Variants in LUZP2 observed in about 807,000 individuals in gnomAD.
LUZP2 encodes leucine zipper protein 2.
A neutral mutation model predicts 51.6 loss-of-function variants in LUZP2; 52 were observed. That is an observed-to-expected ratio of 1.01 (90% CI 0.81 to 1.27). The LOEUF (loss-of-function observed/expected upper bound fraction) is 1.27, where lower values mean the gene tolerates loss of function less well. LUZP2 is among the 50% of genes most tolerant of loss of function. The pLI, the probability that LUZP2 is intolerant of heterozygous loss-of-function variation, is 0.00. For synonymous variants in LUZP2, 154 were observed against 137.3 expected, an observed-to-expected ratio of 1.12 and a Z score of -0.85; for missense variants, 436 against 395.4, an observed-to-expected ratio of 1.10 and a Z score of -0.87.
At chr11:24,786,119 A>G (rs888626577) in intron 5 of LUZP2, 2 of 985,158 alleles carry the variant, frequency 2.0e-6, no homozygotes, top group Non-Finnish European at 2.4e-6. Flanking sequence ...TTAGGCCCTC[A>G]CAAATCCCTC....
intron 1 of LUZP2, among the ~76,000 whole-genome samples, chr11:24,614,811 A>T (rs1040519619): frequency 6.6e-6 from 1 of 151,948 alleles, no homozygotes. Flanking sequence ...CTTTGTACAC[A>T]TTATTATTTA....
chr11:24,825,345 C>G (rs1197897437), intron 5 of LUZP2, among the ~76,000 whole-genome samples: 3 of 152,062 alleles, frequency 2.0e-5, no homozygotes, highest in African/African-American at 7.2e-5. Context: ...TTGGTATCAA[C>G]TCTCTCAAAT....
intron 4 of LUZP2, among the ~76,000 whole-genome samples, chr11:24,745,194 A>G (rs1859332660): frequency 6.6e-6 from 1 of 152,116 alleles, no homozygotes; most frequent in South Asian, 2.1e-4. Context: ...GGGTTGTTGG[A>G]TGAAACGTTC....
intron 1 of LUZP2, among the ~76,000 whole-genome samples, chr11:24,653,194 A>T (rs1855686706): frequency 6.6e-6 from 1 of 152,134 alleles, no homozygotes; most frequent in Non-Finnish European, 1.5e-5. Flanking sequence ...GCAAGAATAG[A>T]TGATGTTGTC....
chr11:24,513,056 C>A (rs1850361879), intron 1 of LUZP2, among the ~76,000 whole-genome samples: 1 of 151,546 alleles, frequency 6.6e-6, no homozygotes, highest in Middle Eastern at 3.4e-3. Context: ...CCGCGCCCAG[C>A]AAATGATTTT....
intron 7 of LUZP2, among the ~76,000 whole-genome samples, chr11:24,925,201 T>C (rs981952042): frequency 6.6e-6 from 1 of 152,182 alleles, no homozygotes; most frequent in Non-Finnish European, 1.5e-5. Flanking sequence ...TTGCCAGTCT[T>C]AAGGTTTCTA....
intron 1 of LUZP2, among the ~76,000 whole-genome samples, chr11:24,707,414 T>C (rs1857631746): frequency 6.6e-6 from 1 of 152,032 alleles, no homozygotes; most frequent in African/African-American, 2.4e-5. Flanking sequence ...ACAGAAAAGC[T>C]TAACAGTTGT....
chr11:24,908,928 A>AT (rs1397749055), intron 6 of LUZP2, among the ~76,000 whole-genome samples: 6 of 151,250 alleles, frequency 4.0e-5, no homozygotes, highest in Non-Finnish European at 7.4e-5. Context: ...CACCCAGCTA[A>AT]TTTTTTGTAT....
chr11:24,551,775 G>A (rs1590171197), intron 1 of LUZP2, among the ~76,000 whole-genome samples: 1 of 151,886 alleles, frequency 6.6e-6, no homozygotes, highest in African/African-American at 2.4e-5. Context: ...AACAAAATAG[G>A]CTATTTTTTA....
At chr11:24,955,621 T>C (rs1050901441) in intron 7 of LUZP2, among the ~76,000 whole-genome samples, 1 of 152,044 alleles carries the variant, frequency 6.6e-6, no homozygotes, top group African/African-American at 2.4e-5. Flanking sequence ...TTACACAATC[T>C]TCCTGGAATA....
chr11:24,667,393 G>A (rs1480280380), intron 1 of LUZP2, among the ~76,000 whole-genome samples: 2 of 151,922 alleles, frequency 1.3e-5, no homozygotes, highest in Middle Eastern at 3.2e-3. Flanking sequence ...CACCATGTTG[G>A]TCAGGCTGGT....
intron 1 of LUZP2, among the ~76,000 whole-genome samples, chr11:24,724,704 T>A (rs993412434): frequency 1.3e-5 from 2 of 152,164 alleles, no homozygotes; most frequent in Admixed American, 6.5e-5. Flanking sequence ...GAAATAAAAC[T>A]GTAGCTATTA....
At chr11:24,885,817 A>G (rs186456365) in intron 5 of LUZP2, among the ~76,000 whole-genome samples, 14 of 152,298 alleles carry the variant, frequency 9.2e-5, no homozygotes, top group Non-Finnish European at 1.9e-4. Flanking sequence ...ATTTGAGCTG[A>G]TTCGATTCTA....
intron 10 of LUZP2, among the ~76,000 whole-genome samples, chr11:25,063,395 C>A (rs1180593521): frequency 1.3e-5 from 2 of 151,626 alleles, no homozygotes; most frequent in East Asian, 1.9e-4. Context: ...AGCCATTTAT[C>A]CATCTTAATA....
At chr11:24,721,397 G>A (rs1484581454) in intron 1 of LUZP2, among the ~76,000 whole-genome samples, 1 of 152,094 alleles carries the variant, frequency 6.6e-6, no homozygotes, top group African/African-American at 2.4e-5. Flanking sequence ...ACCATATTTG[G>A]GGTGAAATAT....
In LUZP2 at chr11:24,810,856, G is replaced by C. The variant is rs553027924; in HGVS notation, c.396+47548G>C. On this transcript the variant is annotated intron_variant, in intron 5 of 11. Transcript: ENST00000336930. ...AGAGGTACCAAGTGTTGCTGTTACC[G>C]TGTATGCTCAGTGTCACTGATTTGC... Among the ~76,000 whole-genome samples, 6 of 152,210 alleles carry C rather than the reference G, an allele frequency of 3.9e-5. No homozygotes were observed. The South Asian group carries it at 1.2e-3, about 32-fold the overall frequency.
At chr11:24,792,251 C>T (rs1363070249) in intron 5 of LUZP2, among the ~76,000 whole-genome samples, 2 of 151,834 alleles carry the variant, frequency 1.3e-5, no homozygotes, top group South Asian at 2.1e-4. Context: ...CATGGTGAAA[C>T]ACTGTTTCTA....
At chr11:24,786,912 G>A (rs1016941173) in intron 5 of LUZP2, among the ~76,000 whole-genome samples, 2 of 151,898 alleles carry the variant, frequency 1.3e-5, no homozygotes, top group Non-Finnish European at 1.5e-5. Context: ...GCATTCTTTA[G>A]TAGGTATTGT....
chr11:24,960,603 C>A (rs1855363519), intron 7 of LUZP2, among the ~76,000 whole-genome samples: 1 of 151,992 alleles, frequency 6.6e-6, no homozygotes, highest in African/African-American at 2.4e-5. Flanking sequence ...TCCCCTTTAT[C>A]ATTTTTTATT....
Sources: allele counts gnomAD v4.1 joint callset (sites outside exome capture counted in the v4.1 genomes callset), GRCh38; gene constraint gnomAD v4.1.1; transcripts MANE v1.5; gene names NCBI Gene and HGNC (gene_info 2026-07-23, HGNC 2026-07-21).